Variants in KCMF1 observed in about 807,000 individuals in gnomAD.
The protein encoded by KCMF1 is potassium channel modulatory factor 1, also known as E3 ubiquitin-protein ligase KCMF1.
In KCMF1, 3 loss-of-function variants were observed where a neutral mutation model predicts 41.1. The observed-to-expected ratio is 0.07, with a 90% CI of 0.03 to 0.19. The LOEUF (loss-of-function observed/expected upper bound fraction) is 0.19. KCMF1 is among the 10% of genes least tolerant of loss of function. KCMF1 has a pLI of 1.00. For missense variants in KCMF1, 286 were observed against 488.9 expected (o/e 0.58, Z 3.91); for synonymous variants, 142 against 164.5 (o/e 0.86, Z 1.04).
At chr2:84,984,406 T>C (rs1322765261) in intron 1 of KCMF1, among the ~76,000 whole-genome samples, 2 of 152,112 alleles carry the variant, frequency 1.3e-5, no homozygotes, top group Non-Finnish European at 2.9e-5. Context: ...TGGCTGTGGA[T>C]TTCTGCTTCA....
intron 1 of KCMF1, among the ~76,000 whole-genome samples, chr2:84,998,860 A>G (rs1558569441): frequency 1.3e-5 from 2 of 151,046 alleles, no homozygotes; most frequent in Non-Finnish European, 1.5e-5. Context: ...GATCCACCCA[A>G]CTCGGACTCC....
At position 85,008,053 on chromosome 2, in the gene KCMF1, G is replaced by A. The variant is rs565263981; in HGVS notation, c.17-19836G>A. On this transcript the variant is annotated intron_variant, in intron 1 of 6. Transcript: ENST00000409785. ...GCTGGGATTACAGGCGTGAGCCACCGTGCCCAGCCGCTAGTTGTGTTCTAT... is the reference window on the plus strand; with the variant it reads ...GCTGGGATTACAGGCGTGAGCCACCATGCCCAGCCGCTAGTTGTGTTCTAT... Among the ~76,000 whole-genome samples, 5 of 151,726 alleles carry A rather than the reference G, an allele frequency of 3.3e-5. No homozygotes were observed. The South Asian group carries it at 1.0e-3, about 31-fold the overall frequency.
At chr2:85,024,915 A>T (rs1185073198) in intron 1 of KCMF1, among the ~76,000 whole-genome samples, 1 of 152,114 alleles carries the variant, frequency 6.6e-6, no homozygotes, top group African/African-American at 2.4e-5. Flanking sequence ...GTTCTATTCC[A>T]TGGGCCAGTT....
intron 1 of KCMF1, among the ~76,000 whole-genome samples, chr2:85,004,185 A>G (rs1011569815): frequency 2.0e-5 from 3 of 152,178 alleles, no homozygotes; most frequent in Non-Finnish European, 4.4e-5. Flanking sequence ...TTTTCAGACC[A>G]CTGTTGACCA....
chr2:84,979,509 G>A (rs1382169515), intron 1 of KCMF1, among the ~76,000 whole-genome samples: 2 of 127,894 alleles, frequency 1.6e-5, no homozygotes, highest in African/African-American at 5.8e-5. Flanking sequence ...AGCAACAAGA[G>A]CGAAATTCTG....
In KCMF1 at chr2:85,054,573, T is replaced by G. The variant is rs951564061; in HGVS notation, c.*1164T>G. 2 of 152,266 alleles carry G rather than the reference T, an allele frequency of 1.3e-5. No individual in the cohort carries two copies. The highest frequency in any genetic ancestry group is 3.4e-3 in the Middle Eastern group (1 of 294). The allele number at this position is 152,266 out of a possible 1,614,324, so 9.4% of individuals were successfully genotyped here. A position where few individuals can be genotyped will look rare whatever the true frequency, so the allele number is the denominator to read the frequency against. The stretch of plus-strand genomic sequence containing the variant: ...TGTAAAAAAAATGTACAGCTTTTTT[T>G]GGGTTTGTTTTGGGGTTTGGAAGGG... On this transcript the variant is annotated 3_prime_UTR_variant, in exon 7 of 7. Transcript: ENST00000409785.
intron 2 of KCMF1, among the ~76,000 whole-genome samples, chr2:85,029,172 A>C (rs534469380): frequency 1.9e-4 from 28 of 148,414 alleles, no homozygotes; most frequent in Admixed American, 1.4e-3. Flanking sequence ...AAGTTTCACT[A>C]TGTTGGCCAG....
chr2:85,020,568 G>A (rs1674906905), intron 1 of KCMF1, among the ~76,000 whole-genome samples: 1 of 152,064 alleles, frequency 6.6e-6, no homozygotes, highest in Non-Finnish European at 1.5e-5. Context: ...AGGGACTACA[G>A]GTGCTCACCA....
intron 1 of KCMF1, among the ~76,000 whole-genome samples, chr2:85,022,865 C>A (rs1674977814): frequency 3.4e-5 from 5 of 148,418 alleles, no homozygotes; most frequent in Admixed American, 2.0e-4. Context: ...TACTGGTTTT[C>A]AACTTTATAC....
chr2:85,027,186 G>A (rs1675128584), intron 1 of KCMF1, among the ~76,000 whole-genome samples: 1 of 152,024 alleles, frequency 6.6e-6, no homozygotes, highest in Non-Finnish European at 1.5e-5. Context: ...TTGGTTTTAT[G>A]AGGAATCTTC....
intron 1 of KCMF1, among the ~76,000 whole-genome samples, chr2:84,987,260 A>G (rs1381198217): frequency 2.0e-5 from 3 of 152,204 alleles, no homozygotes; most frequent in African/African-American, 7.2e-5. Flanking sequence ...AAAAGTTTTA[A>G]GCAGAGAAAG....
At chr2:85,005,890 A>G (rs557735546) in intron 1 of KCMF1, among the ~76,000 whole-genome samples, 1 of 152,334 alleles carries the variant, frequency 6.6e-6, no homozygotes, top group Non-Finnish European at 1.5e-5. Context: ...TCAAACATTT[A>G]TCACTCATTT....
chr2:85,013,284 A>G (rs1674690989), intron 1 of KCMF1, among the ~76,000 whole-genome samples: 1 of 152,224 alleles, frequency 6.6e-6, no homozygotes, highest in African/African-American at 2.4e-5. Context: ...GTCTTAAAAT[A>G]TAGACCCAGG....
In KCMF1 at chr2:84,981,251, G is replaced by A. The variant is rs1300230719; in HGVS notation, c.16+9784G>A. Among the ~76,000 whole-genome samples, 7 of 150,980 alleles carry A rather than the reference G, an allele frequency of 4.6e-5. No homozygotes were observed. In the East Asian group the frequency reaches 7.8e-4, roughly 17 times the overall value. On this transcript the variant is annotated intron_variant, in intron 1 of 6. Transcript: ENST00000409785. ...GTTGCCCAGGCTGGAGCGCAGTGGT[G>A]CAATCTCGGCTCACTGCAAGCTCCG...
chr2:85,048,937 C>T (rs35041498), intron 5 of KCMF1, among the ~76,000 whole-genome samples: 4,805 of 152,242 alleles, frequency 0.032, 102 homozygotes, highest in Middle Eastern at 0.1. Flanking sequence ...TGTTTGAATT[C>T]CTGCTATATC....
intron 1 of KCMF1, among the ~76,000 whole-genome samples, chr2:84,999,120 C>T (rs1674266083): frequency 6.6e-6 from 1 of 150,896 alleles, no homozygotes; most frequent in African/African-American, 2.4e-5. Flanking sequence ...GCTGGGATTA[C>T]AGGCATGAGC....
At chr2:85,014,168 T>C (rs770935685) in intron 1 of KCMF1, 5 of 152,176 alleles carry the variant, frequency 3.3e-5, no homozygotes, top group Admixed American at 6.6e-5. Context: ...AAAATAAATA[T>C]CTGTAAGCAC....
chr2:85,016,496 C>T (rs2104011650), intron 1 of KCMF1, among the ~76,000 whole-genome samples: 1 of 151,824 alleles, frequency 6.6e-6, no homozygotes, highest in South Asian at 2.1e-4. Context: ...TTTATATTTC[C>T]TCTGTGATTC....
chr2:84,974,767 G>A (rs1464146737), intron 1 of KCMF1, among the ~76,000 whole-genome samples: 3 of 129,934 alleles, frequency 2.3e-5, no homozygotes, highest in Admixed American at 8.8e-5. Flanking sequence ...GTGCAGTGGC[G>A]TGATCTTGGC....
Sources: allele counts gnomAD v4.1 joint callset (sites outside exome capture counted in the v4.1 genomes callset), GRCh38; gene constraint gnomAD v4.1.1; transcripts MANE v1.5; gene names NCBI Gene and HGNC (gene_info 2026-07-23, HGNC 2026-07-21).